GNA14: variants seen among roughly 807,000 people sequenced by gnomAD.
GNA14 encodes G protein subunit alpha 14.
Under a neutral mutation model 42.0 loss-of-function variants are expected in GNA14, and 50 were observed. The observed-to-expected ratio is 1.19, with a 90% CI of 0.95 to 1.51. The LOEUF is 1.51. Among genes scored for constraint, GNA14 ranks in the 40% most tolerant of loss-of-function variants. The pLI, the probability that GNA14 is intolerant of heterozygous loss-of-function variation, is 0.00. For missense variants in GNA14, 473 were observed against 446.2 expected, an observed-to-expected ratio of 1.06 and a Z score of -0.54; for synonymous variants, 173 against 163.1, an observed-to-expected ratio of 1.06 and a Z score of -0.46.
intron 4 of GNA14, among the ~76,000 whole-genome samples, chr9:77,429,608 C>A (rs946774851): frequency 6.6e-6 from 1 of 152,196 alleles, no homozygotes; most frequent in Non-Finnish European, 1.5e-5. Context: ...CAACTCCTAG[C>A]CCAGGGATCA....
intron 1 of GNA14, among the ~76,000 whole-genome samples, chr9:77,562,246 G>A (rs137972318): frequency 3.0e-4 from 45 of 152,282 alleles, no homozygotes; most frequent in African/African-American, 1.0e-3. Flanking sequence ...TCATGTTTGA[G>A]CAGAACAGCT....
intron 1 of GNA14, among the ~76,000 whole-genome samples, chr9:77,530,333 C>A (rs943996128): frequency 9.2e-5 from 14 of 152,162 alleles, no homozygotes; most frequent in South Asian, 2.1e-4. Context: ...CCTGCTCTGG[C>A]CACATGAAGT....
intron 4 of GNA14, among the ~76,000 whole-genome samples, chr9:77,430,819 TG>T (rs1441681132): frequency 2.0e-5 from 3 of 152,230 alleles, no homozygotes; most frequent in Non-Finnish European, 4.4e-5. Context: ...TTCCTATATT[TG>T]TAAGTGGAAA....
At chr9:77,568,748 G>C (rs1823012046) in intron 1 of GNA14, among the ~76,000 whole-genome samples, 1 of 152,108 alleles carries the variant, frequency 6.6e-6, no homozygotes, top group South Asian at 2.1e-4. Context: ...ATTTACAGGG[G>C]GGCACTCCCT....
intron 1 of GNA14, among the ~76,000 whole-genome samples, chr9:77,530,741 C>G (rs545106815): frequency 2.0e-5 from 3 of 152,208 alleles, no homozygotes; most frequent in Admixed American, 2.0e-4. Context: ...CCTCAGCCAA[C>G]CCACTGTCTT....
chr9:77,647,732 A>G lies in GNA14; in HGVS notation c.62T>C (p.Ile21Thr). ...CTTGTCCCGACGAAGCTGTCGCTCG[A>G]TCTCCGCGCTGATGCGCTGCGACTC... ...EKESQRISAE[I>T]ERQLRRDKKD... Residue 21 changes from isoleucine (I) to threonine (T), a missense_variant, in exon 1 of 7, where the codon ATC becomes ACC. By Grantham distance (89) the Ile-to-Thr change is moderately conservative. Coordinates refer to ENST00000341700, the MANE Select transcript of GNA14 (RefSeq NM_004297.4). 1 of 1,610,008 alleles carries G rather than the reference A, an allele frequency of 6.2e-7. No homozygotes were observed. The highest frequency in any genetic ancestry group is 8.5e-7 in the Non-Finnish European group (1 of 1,178,602).
At chr9:77,626,167 G>A (rs1019684066) in intron 1 of GNA14, among the ~76,000 whole-genome samples, 1 of 152,092 alleles carries the variant, frequency 6.6e-6, no homozygotes, top group Admixed American at 6.6e-5. Context: ...ATGGTAAAGG[G>A]ATCAATGCAA....
intron 1 of GNA14, among the ~76,000 whole-genome samples, chr9:77,602,161 T>C (rs1823577034): frequency 1.3e-5 from 2 of 152,206 alleles, no homozygotes; most frequent in African/African-American, 4.8e-5. Flanking sequence ...AATGAATAAA[T>C]GAGTACTGTG....
chr9:77,609,255 CA>C (rs1207012788), intron 1 of GNA14, among the ~76,000 whole-genome samples: 2 of 152,168 alleles, frequency 1.3e-5, no homozygotes, highest in Non-Finnish European at 2.9e-5. Flanking sequence ...AATAAAGTAG[CA>C]GTTTCCTCCA....
intron 1 of GNA14, among the ~76,000 whole-genome samples, chr9:77,549,484 T>G (rs905160613): frequency 6.6e-6 from 1 of 152,174 alleles, no homozygotes; most frequent in Admixed American, 6.5e-5. Flanking sequence ...CACTTGTCAC[T>G]GAAGGGCCAG....
intron 1 of GNA14, among the ~76,000 whole-genome samples, chr9:77,635,771 T>C (rs1219746320): frequency 6.6e-6 from 1 of 152,166 alleles, no homozygotes; most frequent in Non-Finnish European, 1.5e-5. Flanking sequence ...ACATGAAGAC[T>C]CAGACTAACT....
At chr9:77,435,113 C>T (rs1348612363) in intron 2 of GNA14, among the ~76,000 whole-genome samples, 1 of 149,728 alleles carries the variant, frequency 6.7e-6, no homozygotes. Context: ...AATCCCAGCA[C>T]TTTGGGAGGC....
chr9:77,579,808 G>A (rs1823188181), intron 1 of GNA14, among the ~76,000 whole-genome samples: 1 of 152,202 alleles, frequency 6.6e-6, no homozygotes, highest in Admixed American at 6.5e-5. Flanking sequence ...TACTGCTATT[G>A]TAAGAGTGAG....
chr9:77,545,825 T>C (rs963847509), intron 1 of GNA14, among the ~76,000 whole-genome samples: 1 of 152,144 alleles, frequency 6.6e-6, no homozygotes, highest in African/African-American at 2.4e-5. Context: ...TTTGCCATGA[T>C]CTTTATATGT....
At chr9:77,564,296 TAAAA>T (rs71358612) in intron 1 of GNA14, among the ~76,000 whole-genome samples, 3 of 134,800 alleles carry the variant, frequency 2.2e-5, no homozygotes, top group East Asian at 4.3e-4. Context: ...CAGCACAATT[TAAAA>T]AAAAAAAAAA....
At chr9:77,435,050 T>TAAAAAA (rs3052358) in intron 2 of GNA14, among the ~76,000 whole-genome samples, 1 of 119,276 alleles carries the variant, frequency 8.4e-6, no homozygotes, top group African/African-American at 3.1e-5. Context: ...TTCTTTCATT[T>TAAAAAA]AAAAAAAAAA....
chr9:77,424,011 G>A lies in GNA14; in HGVS notation c.1036C>T (p.Gln346Ter). 1 of 1,608,580 alleles carries A rather than the reference G, an allele frequency of 6.2e-7. No individual in the cohort carries two copies. The highest frequency in any genetic ancestry group is 1.1e-5 in the South Asian group (1 of 89,878). ...AGGTTGAATTCCCTTAGGTTTAGCT[G>A]TAGAATTGTGTCTTTGACAGCAGCA... ...VFAAVKDTILQLNLREFNLV is the reference protein window; with the variant it reads ...VFAAVKDTIL The change falls in exon 7 of 7, where the codon CAG becomes TAG. Residue 346 changes from glutamine (Q) to a stop codon, truncating the protein, a stop_gained. Coordinates refer to ENST00000341700, the MANE Select transcript of GNA14 (RefSeq NM_004297.4). LOFTEE classifies it high-confidence loss of function.
At chr9:77,579,036 C>T (rs1457803761) in intron 1 of GNA14, among the ~76,000 whole-genome samples, 4 of 152,154 alleles carry the variant, frequency 2.6e-5, no homozygotes, top group Non-Finnish European at 4.4e-5. Context: ...ATTCTCCAGG[C>T]CATTTAGCCA....
intron 1 of GNA14, among the ~76,000 whole-genome samples, chr9:77,612,391 C>T (rs1012291175): frequency 3.9e-5 from 6 of 152,164 alleles, no homozygotes; most frequent in Admixed American, 1.3e-4. Flanking sequence ...TCCTACCAAG[C>T]CTGCAGGGAA....
Sources: gnomAD v4.1 joint callset for allele counts (sites outside exome capture counted in the v4.1 genomes callset) on GRCh38, gnomAD v4.1.1 for gene constraint, MANE v1.5 for transcripts, NCBI Gene and HGNC (gene_info 2026-07-23, HGNC 2026-07-21) for gene names.